Variants in ATP6V1D observed in about 807,000 individuals in gnomAD.
ATP6V1D encodes the protein V-type proton ATPase subunit D.
In ATP6V1D, 20 loss-of-function variants were observed where a neutral mutation model predicts 39.4. That is an observed-to-expected ratio of 0.51 (90% CI 0.36 to 0.74). The LOEUF (loss-of-function observed/expected upper bound fraction) is 0.74. ATP6V1D is among the 30% of genes least tolerant of loss of function. The probability of loss-of-function intolerance (pLI) is 0.00; values close to 1 mark genes in which losing one functional copy is unlikely to be tolerated. For missense variants in ATP6V1D, 228 were observed against 291.6 expected (o/e 0.78, Z 1.59); for synonymous variants, 100 against 100.5 (o/e 0.99, Z 0.03).
rs767512126 is a variant in ATP6V1D at position 67,345,882 on chromosome 14, C to G, written c.353-11G>C. On this transcript the variant is annotated splice_polypyrimidine_tract_variant and intron_variant, in intron 5 of 8. Transcript: ENST00000216442. ...CAGTCAGTTCATAACCTGAAAGGAC[C>G]AGTCAGACAACATTTTTAATTAGAG... 8.3e-6 allele frequency: 13 copies of G among 1,561,720 alleles called. No homozygotes were observed. The highest frequency in any genetic ancestry group is 2.3e-5 in the South Asian group (2 of 88,800).
At chr14:67,351,688 T>C (rs2085654419) in intron 2 of ATP6V1D, among the ~76,000 whole-genome samples, 1 of 151,914 alleles carries the variant, frequency 6.6e-6, no homozygotes, top group African/African-American at 2.4e-5. Flanking sequence ...TTCTTCTTCT[T>C]CTTCTTCTTT....
At chr14:67,343,209 C>CT (rs571111599) in intron 7 of ATP6V1D, among the ~76,000 whole-genome samples, 163 bp downstream of exon 7, 5,169 of 148,140 alleles carry the variant, frequency 0.035, 105 homozygotes, top group Middle Eastern at 0.039. Context: ...CTTCATAACA[C>CT]TTTTTTTTTT....
Position 67,345,750 on chromosome 14 carries a change from A to T in ATP6V1D, c.456+18T>A. On this transcript the variant is annotated intron_variant, in intron 6 of 8. Transcript: ENST00000216442. The stretch of plus-strand genomic sequence containing the variant: ...ACAAATCAAACTACAGGAGTTCTCC[A>T]GGTCTTTTGCTACTTACCTGCAGAG... 6.4e-7 allele frequency: 1 copy of T among 1,558,372 alleles called. No individual in the cohort carries two copies. Among genetic ancestry groups the T allele is most frequent in the Non-Finnish European group, 8.9e-7 (1 of 1,129,476 alleles).
chr14:67,340,386 G>T, intron 8 of ATP6V1D, 54 bp downstream of exon 8: 1 of 1,467,254 alleles, frequency 6.8e-7, no homozygotes, highest in Non-Finnish European at 9.5e-7. Flanking sequence ...AGCAAATACA[G>T]CCTTTGGAAT....
In ATP6V1D at chr14:67,349,064, T is replaced by TCTTC. The variant is rs1238580592; in HGVS notation, c.276_279dup (p.Ile94GlufsTer8). The TCTTC allele has an allele frequency of 1.2e-6, 2 of 1,614,156 alleles. No homozygotes were observed. The highest frequency in any genetic ancestry group is 2.7e-5 in the African/African-American group (2 of 75,068). On this transcript the variant is annotated frameshift_variant, in exon 4 of 9. Coordinates refer to ENST00000216442, the MANE Select transcript of ATP6V1D (RefSeq NM_015994.4). LOFTEE classifies it high-confidence loss of function. ...GCTACATTATCTTTCTTCGCTCGAA[T>TCTTC]CTTCACTTGCGCTTTATTGACATTT...
chr14:67,354,798 C>A (rs552133756), intron 1 of ATP6V1D, among the ~76,000 whole-genome samples: 3 of 152,056 alleles, frequency 2.0e-5, no homozygotes, highest in Admixed American at 1.3e-4. Context: ...CTACTATATT[C>A]TTTTGTACCT....
chr14:67,359,372 G>A (rs1300486820), intron 1 of ATP6V1D, among the ~76,000 whole-genome samples: 1 of 152,196 alleles, frequency 6.6e-6, no homozygotes, highest in Non-Finnish European at 1.5e-5. Context: ...AAGGGTATGT[G>A]GAATGGATGA....
chr14:67,350,813 T>C, intron 2 of ATP6V1D, 123 bp from the exon 3 acceptor site: 1 of 907,298 alleles, frequency 1.1e-6, no homozygotes, highest in Non-Finnish European at 1.6e-6. Context: ...AATATTGGTT[T>C]GATAACGACA....
chr14:67,343,564 C>A, intron 6 of ATP6V1D, 126 bp from the exon 7 acceptor site: 1 of 695,996 alleles, frequency 1.4e-6, no homozygotes, highest in Non-Finnish European at 2.4e-6. Flanking sequence ...TTTTGGCATG[C>A]TTAAAAAACA....
intron 4 of ATP6V1D, 65 bp from the exon 5 acceptor site, chr14:67,347,518 T>TTTA (rs2085628027): frequency 3.6e-6 from 4 of 1,102,354 alleles, no homozygotes; most frequent in East Asian, 4.9e-5. Flanking sequence ...TTTTTTTTTC[T>TTTA]GAGACGGAGT....
intron 5 of ATP6V1D, among the ~76,000 whole-genome samples, chr14:67,346,614 C>G (rs2085621292): frequency 6.6e-6 from 1 of 152,118 alleles, no homozygotes; most frequent in South Asian, 2.1e-4. Context: ...TGTGCCTGGC[C>G]AAGAATATTG....
chr14:67,347,370 C>T, intron 5 of ATP6V1D, 39 bp downstream of exon 5: 1 of 1,520,436 alleles, frequency 6.6e-7, no homozygotes. Context: ...AACAGGAAAT[C>T]CCAGAGACAC....
At chr14:67,342,529 ACT>A (rs920468404) in intron 7 of ATP6V1D, among the ~76,000 whole-genome samples, 1 of 146,962 alleles carries the variant, frequency 6.8e-6, no homozygotes, top group African/African-American at 2.5e-5. Context: ...TAGAATGTGA[ACT>A]CTGAGGGTAA....
At chr14:67,346,695 A>G (rs1261233406) in intron 5 of ATP6V1D, among the ~76,000 whole-genome samples, 1 of 152,226 alleles carries the variant, frequency 6.6e-6, no homozygotes, top group East Asian at 1.9e-4. Context: ...GGAATGAATA[A>G]GACAGTTATT....
chr14:67,356,842 T>C (rs944628270), intron 1 of ATP6V1D, among the ~76,000 whole-genome samples: 5 of 152,214 alleles, frequency 3.3e-5, no homozygotes, highest in African/African-American at 1.2e-4. Flanking sequence ...TCCATCTCAA[T>C]GTGTGCATTT....
intron 2 of ATP6V1D, among the ~76,000 whole-genome samples, chr14:67,352,533 GTTCAC>G (rs2085662403): frequency 6.6e-6 from 1 of 152,118 alleles, no homozygotes; most frequent in Non-Finnish European, 1.5e-5. Flanking sequence ...CAAACATGGT[GTTCAC>G]TTTAGATTGG....
rs537104911 is a variant in ATP6V1D, at chr14:67,348,794, A to T, written c.307+243T>A. ...CTCGGCCTCCCAAAGTGCTGGGATT[A>T]CAGGCATGAGCCACCGTGCCCAGCC... is the stretch of plus-strand genomic sequence containing the variant. On this transcript the variant is annotated intron_variant, in intron 4 of 8. Transcript: ENST00000216442. The T allele has an allele frequency of 1.6e-5, 6 of 380,610 alleles. No individual in the cohort carries two copies. In the East Asian group the frequency reaches 3.0e-4, roughly 19 times the overall value. The allele number at this position is 380,610 out of a possible 1,614,324, so 23.6% of individuals were successfully genotyped here. A position where few individuals can be genotyped will look rare whatever the true frequency, so the allele number is the denominator to read the frequency against.
Position 67,340,534 on chromosome 14 carries a change from A to T in ATP6V1D, c.524-16T>A, listed in dbSNP as rs200976522. On this transcript the variant is annotated splice_polypyrimidine_tract_variant and intron_variant, in intron 7 of 8. Transcript: ENST00000216442. ...GGAATGATGACTAGAATAAAAAAAAAAATAATATGTGTGAGAACTTCAAAC... is the reference window on the plus strand; with the variant it reads ...GGAATGATGACTAGAATAAAAAAAATAATAATATGTGTGAGAACTTCAAAC... 1.9e-4 allele frequency: 302 copies of T among 1,604,512 alleles called. No individual in the cohort carries two copies. The Middle Eastern group carries it at 2.6e-3, about 14-fold the overall frequency.
intron 4 of ATP6V1D, among the ~76,000 whole-genome samples, chr14:67,347,916 C>CTT (rs3067318): frequency 2.1e-5 from 3 of 146,158 alleles, no homozygotes; most frequent in Non-Finnish European, 4.5e-5. Flanking sequence ...AACTTGCCTT[C>CTT]TTTTTTTTTT....
Sources: gnomAD v4.1 joint callset for allele counts (sites outside exome capture counted in the v4.1 genomes callset) on GRCh38, gnomAD v4.1.1 for gene constraint, MANE v1.5 for transcripts, NCBI Gene and HGNC (gene_info 2026-07-23, HGNC 2026-07-21) for gene names.